Variants in SEPTIN9 observed in about 807,000 individuals in gnomAD.
The protein encoded by SEPTIN9 is septin 9.
In SEPTIN9, 13 loss-of-function variants were observed where a neutral mutation model predicts 56.6. The ratio of observed to expected loss-of-function variants is 0.23; its 90% confidence interval spans 0.15 to 0.37. SEPTIN9 has a LOEUF of 0.37. Among genes scored for constraint, SEPTIN9 ranks in the 10% least tolerant of loss-of-function variants. SEPTIN9 has a pLI of 1.00. For missense variants in SEPTIN9, 650 were observed against 823.1 expected, an observed-to-expected ratio of 0.79 and a Z score of 2.57; for synonymous variants, 332 against 334.1, an observed-to-expected ratio of 0.99 and a Z score of 0.07.
In SEPTIN9 at chr17:77,424,061, A is replaced by G. The variant is rs571442520; in HGVS notation, c.721+21358A>G. Among the ~76,000 whole-genome samples the G allele has an allele frequency of 8.3e-4, 127 of 152,374 alleles. 1 individual carries two copies. The highest frequency in any genetic ancestry group is 1.3e-3 in the African/African-American group (52 of 41,596). ...TTAGGGACAACGCAAGGAGGCTGTC[A>G]TTCCACCCCTCACCTTATTAATATT... On this transcript the variant is annotated intron_variant, in intron 3 of 11. Transcript: ENST00000427177.
intron 2 of SEPTIN9, among the ~76,000 whole-genome samples, chr17:77,399,460 C>T (rs1486210361): frequency 6.6e-6 from 1 of 152,130 alleles, no homozygotes; most frequent in African/African-American, 2.4e-5. Context: ...GGACAGTGCT[C>T]AGGAGGCAGG....
rs146084702 is a variant in SEPTIN9 at position 77,499,367 on chromosome 17, C to T, written c.*709C>T. ...GAGGGAGGCGTCTTCATCTCCCTGC[C>T]ATCCCCCTCTCACGCCACCCCCGCC... On this transcript the variant is annotated 3_prime_UTR_variant, in exon 12 of 12. Coordinates refer to ENST00000427177, the MANE Select transcript of SEPTIN9 (RefSeq NM_001113491.2). 2,133 of 577,458 alleles carry T rather than the reference C, an allele frequency of 3.7e-3. 9 individuals carry two copies. Among genetic ancestry groups the T allele is most frequent in the Non-Finnish European group, 5.3e-3 (1,597 of 299,526 alleles). 35.8% of individuals were successfully genotyped at this position (577,458 alleles called of 1,614,324 possible). A position where few individuals can be genotyped will look rare whatever the true frequency, so the allele number is the denominator to read the frequency against.
At chr17:77,292,129 G>C (rs2031586827) in intron 1 of SEPTIN9, among the ~76,000 whole-genome samples, 1 of 152,136 alleles carries the variant, frequency 6.6e-6, no homozygotes, top group African/African-American at 2.4e-5. Context: ...CCCCGGAGAT[G>C]TCTCTTTGTT....
intron 2 of SEPTIN9, among the ~76,000 whole-genome samples, chr17:77,382,580 G>C (rs1171606376): frequency 1.3e-5 from 2 of 152,236 alleles, no homozygotes; most frequent in African/African-American, 4.8e-5. Context: ...GAGGGACCAG[G>C]GTGGTGAAAT....
chr17:77,427,029 C>T (rs867148095), intron 3 of SEPTIN9: 93 of 152,240 alleles, frequency 6.1e-4, no homozygotes, highest in African/African-American at 2.1e-3. Context: ...TAGCAGACAG[C>T]TACAAGCAGC....
chr17:77,461,034 G>T (rs2038449419), intron 3 of SEPTIN9, among the ~76,000 whole-genome samples: 1 of 152,186 alleles, frequency 6.6e-6, no homozygotes, highest in Admixed American at 6.5e-5. Flanking sequence ...GCTGGGCTTG[G>T]TGGCTCACAC....
intron 1 of SEPTIN9, among the ~76,000 whole-genome samples, chr17:77,300,050 C>T (rs781007314): frequency 6.6e-5 from 10 of 152,178 alleles, no homozygotes; most frequent in East Asian, 1.9e-4. Context: ...GTGCCCCTTC[C>T]GCTTCACAGG....
chr17:77,410,624 TG>T (rs1298816764), intron 3 of SEPTIN9, among the ~76,000 whole-genome samples: 2 of 152,240 alleles, frequency 1.3e-5, no homozygotes, highest in African/African-American at 4.8e-5. Context: ...TTTCTCATTG[TG>T]GAAGTGGGCA....
chr17:77,453,908 C>A lies in SEPTIN9; in HGVS notation c.722-28236C>A, dbSNP rs2144429272. ...CCCCCAGGCCTGGTGCAGTGTGTGG[C>A]TTCCCTGCCGGTGTCAAAGGTCTCA... On this transcript the variant is annotated intron_variant, in intron 3 of 11. Transcript: ENST00000427177. The surrounding 1 kb of genome is among the most constrained non-coding windows in gnomAD (Gnocchi z 4.4). The A allele has an allele frequency of 3.6e-6, 1 of 280,322 alleles. No individual in the cohort carries two copies. Among genetic ancestry groups the A allele is most frequent in the Non-Finnish European group, 5.4e-6 (1 of 185,190 alleles). The allele number at this position is 280,322 out of a possible 1,614,324, so 17.4% of individuals were successfully genotyped here. A position where few individuals can be genotyped will look rare whatever the true frequency, so the allele number is the denominator to read the frequency against.
At chr17:77,459,250 A>G (rs894018674) in intron 3 of SEPTIN9, among the ~76,000 whole-genome samples, 4 of 152,164 alleles carry the variant, frequency 2.6e-5, no homozygotes, top group Non-Finnish European at 4.4e-5. Flanking sequence ...GGCCCTGTCC[A>G]GGGTTAGCCG....
chr17:77,462,195 C>A (rs1568088980), intron 3 of SEPTIN9, among the ~76,000 whole-genome samples: 1 of 152,176 alleles, frequency 6.6e-6, no homozygotes, highest in Non-Finnish European at 1.5e-5. Context: ...TGACACCGAG[C>A]CTTCATAAGG....
chr17:77,488,364 G>A (rs1451979193), intron 6 of SEPTIN9, 43 bp downstream of exon 6: 11 of 1,551,186 alleles, frequency 7.1e-6, no homozygotes, highest in South Asian at 1.1e-5. Flanking sequence ...GGGGCTTCAG[G>A]GCTCCCTGGA....
In SEPTIN9 at chr17:77,453,787, T is replaced by TGTTGGGAG. The variant is rs2038075688; in HGVS notation, c.722-28353_722-28352insGGAGGTTG. 6.6e-6 allele frequency: 1 copy of TGTTGGGAG among 152,602 alleles called. No individual in the cohort carries two copies. The highest frequency in any genetic ancestry group is 6.5e-5 in the Admixed American group (1 of 15,288). The allele number at this position is 152,602 out of a possible 1,614,324, so 9.5% of individuals were successfully genotyped here. ...GGGCCACCGTATTCTCCCAACTTCC[T>TGTTGGGAG]GTTGTGCCACGGCTGGTCCAAGCTG... On this transcript the variant is annotated intron_variant, in intron 3 of 11. Transcript: ENST00000427177. The surrounding 1 kb of genome is among the most constrained non-coding windows in gnomAD (Gnocchi z 4.4).
Position 77,445,524 on chromosome 17 carries a change from A to C in SEPTIN9, c.722-36620A>C, listed in dbSNP as rs773432541. The C allele has an allele frequency of 4.3e-5, 18 of 422,616 alleles. No homozygotes were observed. The highest frequency in any genetic ancestry group is 8.4e-5 in the Non-Finnish European group (17 of 201,522). The allele number at this position is 422,616 out of a possible 1,614,324, so 26.2% of individuals were successfully genotyped here. A position where few individuals can be genotyped will look rare whatever the true frequency, so the allele number is the denominator to read the frequency against. On this transcript the variant is annotated intron_variant, in intron 3 of 11. Transcript: ENST00000427177. This position sits in a 1 kb window ranked among gnomAD's most constrained non-coding sequence, Gnocchi z 4.7. ...TGGGGGTTGGTGCATGTGTGCACGC[A>C]CGTGTGTGTGTGTGTGCGTGCGTGC... is the stretch of plus-strand genomic sequence containing the variant.
intron 2 of SEPTIN9, among the ~76,000 whole-genome samples, chr17:77,381,466 A>G (rs1598283280): frequency 6.7e-6 from 1 of 148,676 alleles, no homozygotes; most frequent in African/African-American, 2.5e-5. Flanking sequence ...CCCGCTTTCC[A>G]CGTGGGTGGG....
At position 77,434,262 on chromosome 17, in the gene SEPTIN9, G is replaced by A. The variant is rs370004001; in HGVS notation, c.721+31559G>A. Among the ~76,000 whole-genome samples, 361 of 152,238 alleles carry A rather than the reference G, an allele frequency of 2.4e-3. 10 individuals are homozygous for A. The South Asian group carries it at 0.059, about 25-fold the overall frequency. On this transcript the variant is annotated intron_variant, in intron 3 of 11. Transcript: ENST00000427177. The surrounding 1 kb of genome is among the most constrained non-coding windows in gnomAD (Gnocchi z 5.0). Reference sequence around the variant, plus strand: ...GGTTCTGGCTCCAGGCCCAGCCCCAGCCCCTGTCAGACTTACCCTCCTTGT... The same window carrying A: ...GGTTCTGGCTCCAGGCCCAGCCCCAACCCCTGTCAGACTTACCCTCCTTGT...
chr17:77,475,157 G>T lies in SEPTIN9; in HGVS notation c.722-6987G>T. ...CGCTGCTCTGAAGAAAGCCGGGCTG[G>T]GGTGAGCGTGATGGATGAGGTGTCT... On this transcript the variant is annotated intron_variant, in intron 3 of 11. Coordinates refer to ENST00000427177, the MANE Select transcript of SEPTIN9 (RefSeq NM_001113491.2). The surrounding 1 kb of genome is among the most constrained non-coding windows in gnomAD (Gnocchi z 4.6). 2 of 1,068,254 alleles carry T rather than the reference G, an allele frequency of 1.9e-6. No individual in the cohort carries two copies. Among genetic ancestry groups the T allele is most frequent in the Non-Finnish European group, 2.3e-6 (2 of 856,086 alleles). The allele number at this position is 1,068,254 out of a possible 1,614,324, so 66.2% of individuals were successfully genotyped here. A position where few individuals can be genotyped will look rare whatever the true frequency, so the allele number is the denominator to read the frequency against.
At chr17:77,439,727 G>T (rs1029409839) in intron 3 of SEPTIN9, among the ~76,000 whole-genome samples, 1 of 152,222 alleles carries the variant, frequency 6.6e-6, no homozygotes, top group Admixed American at 6.5e-5. Context: ...CACCAGGCTC[G>T]TGAGTTGCTC....
chr17:77,467,784 C>T (rs2038812294), intron 3 of SEPTIN9, among the ~76,000 whole-genome samples: 1 of 152,226 alleles, frequency 6.6e-6, no homozygotes, highest in Non-Finnish European at 1.5e-5. Context: ...TAGACGGGAA[C>T]CGTGGCTGCC....
Sources: gnomAD v4.1 joint callset for allele counts (sites outside exome capture counted in the v4.1 genomes callset) on GRCh38, gnomAD v4.1.1 for gene constraint, Gnocchi (gnomAD v3.1) non-coding constraint, MANE v1.5 for transcripts, NCBI Gene and HGNC (gene_info 2026-07-23, HGNC 2026-07-21) for gene names.